Variants in PRKAG2 observed in about 807,000 individuals in gnomAD.
PRKAG2 encodes the protein 5'-AMP-activated protein kinase subunit gamma-2.
In PRKAG2, 26 loss-of-function variants were observed where a neutral mutation model predicts 69.6. The observed-to-expected ratio is 0.37, with a 90% CI of 0.27 to 0.52. The LOEUF is 0.52. Among genes scored for constraint, PRKAG2 ranks in the 20% least tolerant of loss-of-function variants. PRKAG2 has a pLI of 0.90. For synonymous variants in PRKAG2, 293 were observed against 285.0 expected (o/e 1.03, Z -0.28); for missense variants, 557 against 740.0 (o/e 0.75, Z 2.87).
At chr7:151,740,012 C>G (rs1312867455) in intron 3 of PRKAG2, among the ~76,000 whole-genome samples, 2 of 152,166 alleles carry the variant, frequency 1.3e-5, no homozygotes, top group African/African-American at 2.4e-5. Context: ...AGACTGGGAA[C>G]CCCAAAAAGA....
chr7:151,620,471 T>C (rs1171942883), intron 5 of PRKAG2, among the ~76,000 whole-genome samples: 1 of 151,680 alleles, frequency 6.6e-6, no homozygotes, highest in African/African-American at 2.4e-5. Context: ...TAGATGGCTT[T>C]GTTTTTTTGT....
intron 1 of PRKAG2, among the ~76,000 whole-genome samples, chr7:151,875,804 A>C (rs956163793): frequency 5.3e-5 from 8 of 152,120 alleles, no homozygotes; most frequent in Admixed American, 3.3e-4. Context: ...GGCAGATCCG[A>C]GTCGCCAATG....
At chr7:151,841,929 G>A (rs1178669171) in intron 1 of PRKAG2, among the ~76,000 whole-genome samples, 2 of 150,060 alleles carry the variant, frequency 1.3e-5, no homozygotes, top group African/African-American at 4.9e-5. Flanking sequence ...GGTAGTCATG[G>A]TAGTGTTGGT....
At chr7:151,651,905 T>G (rs6949829) in intron 4 of PRKAG2, among the ~76,000 whole-genome samples, 8,295 of 151,928 alleles carry the variant, frequency 0.055, 800 homozygotes, top group African/African-American at 0.19. Context: ...GGGGCTGGGG[T>G]TGGATGGGGA....
intron 1 of PRKAG2, among the ~76,000 whole-genome samples, chr7:151,795,869 AT>A (rs1563689535): frequency 8.8e-6 from 1 of 113,464 alleles, no homozygotes; most frequent in African/African-American, 3.6e-5. Context: ...ATATATATAT[AT>A]ATATATATAT....
chr7:151,852,367 C>T (rs190525112), intron 1 of PRKAG2, among the ~76,000 whole-genome samples: 15 of 152,252 alleles, frequency 9.9e-5, no homozygotes, highest in African/African-American at 2.2e-4. Flanking sequence ...TGGTAGCACA[C>T]GCATGTAATC....
At chr7:151,751,455 T>C (rs529005798) in intron 3 of PRKAG2, among the ~76,000 whole-genome samples, 3 of 152,044 alleles carry the variant, frequency 2.0e-5, no homozygotes, top group Admixed American at 2.0e-4. Flanking sequence ...CATGGTACTC[T>C]GCTATGTAGC....
intron 3 of PRKAG2, among the ~76,000 whole-genome samples, chr7:151,701,527 G>C (rs565898993): frequency 6.6e-6 from 1 of 152,116 alleles, no homozygotes; most frequent in Non-Finnish European, 1.5e-5. Context: ...AGATTGGAGC[G>C]GTGCATCTTT....
At chr7:151,748,650 A>G (rs1006227149) in intron 3 of PRKAG2, among the ~76,000 whole-genome samples, 9 of 152,172 alleles carry the variant, frequency 5.9e-5, no homozygotes, top group African/African-American at 2.2e-4. Context: ...TTCACTGAAA[A>G]TTAAAATGTA....
At position 151,769,664 on chromosome 7, in the gene PRKAG2, G is replaced by A. The variant is rs111504209; in HGVS notation, c.466+11488C>T. ...CAGGAATCCGGGCAGCTTAGGCCAT[G>A]CAGCCTGTGGTGCCTGTGTGACAGC... is the stretch of plus-strand genomic sequence containing the variant. On this transcript the variant is annotated intron_variant, in intron 3 of 15. Transcript: ENST00000287878. 4.8e-3 allele frequency among the ~76,000 whole-genome samples: 726 copies of A among 152,338 alleles called. 10 individuals are homozygous for A. Among genetic ancestry groups the A allele is most frequent in the African/African-American group, 0.016 (677 of 41,578 alleles).
chr7:151,611,627 C>A (rs6980220), intron 5 of PRKAG2, among the ~76,000 whole-genome samples: 3,999 of 152,236 alleles, frequency 0.026, 164 homozygotes, highest in African/African-American at 0.092. Flanking sequence ...CCACCCCATC[C>A]CACCAGGACA....
intron 5 of PRKAG2, among the ~76,000 whole-genome samples, chr7:151,605,683 T>C (rs1817361733): frequency 6.6e-6 from 1 of 152,118 alleles, no homozygotes; most frequent in African/African-American, 2.4e-5. Flanking sequence ...CTCACACCTG[T>C]AATCCCAGCA....
Position 151,781,453 on chromosome 7 carries a change from G to A in PRKAG2, c.187-22C>T. The A allele has an allele frequency of 6.3e-7, 1 of 1,590,794 alleles. No individual in the cohort carries two copies. Among genetic ancestry groups the A allele is most frequent in the East Asian group, 2.3e-5 (1 of 43,974 alleles). ...CCACCTGCAGAAAAACAGACGAATG[G>A]ATGCAGTCACTCCACGCTCTGGACA... On this transcript the variant is annotated intron_variant, in intron 2 of 15. Transcript: ENST00000287878. This position sits in a 1 kb window ranked among gnomAD's most constrained non-coding sequence, Gnocchi z 6.1.
intron 15 of PRKAG2, chr7:151,559,467 G>GC (rs1178650546): frequency 1.0e-6 from 1 of 984,868 alleles, no homozygotes; most frequent in Non-Finnish European, 1.2e-6. Context: ...ATGGGACGGG[G>GC]CCCCAACATG....
chr7:151,577,992 G>GT (rs368297039), intron 6 of PRKAG2, among the ~76,000 whole-genome samples: 307 of 142,048 alleles, frequency 2.2e-3, no homozygotes, highest in African/African-American at 3.1e-3. Flanking sequence ...GTATGGTTAT[G>GT]TTTTTTTTTT....
intron 4 of PRKAG2, among the ~76,000 whole-genome samples, chr7:151,635,866 ATTTT>A (rs1202730297): frequency 1.5e-4 from 21 of 139,792 alleles, no homozygotes; most frequent in Admixed American, 2.9e-4. Context: ...ATGACAATAA[ATTTT>A]TTTTTTTTTT....
At chr7:151,779,354 C>T (rs1343431266) in intron 3 of PRKAG2, among the ~76,000 whole-genome samples, 1 of 152,314 alleles carries the variant, frequency 6.6e-6, no homozygotes, top group South Asian at 2.1e-4. Context: ...TGCTGGGCTC[C>T]CAAAGGGACC....
intron 4 of PRKAG2, among the ~76,000 whole-genome samples, chr7:151,671,222 A>G (rs955092050): frequency 6.7e-6 from 1 of 149,176 alleles, no homozygotes; most frequent in African/African-American, 2.5e-5. Flanking sequence ...CTAAAGACTA[A>G]TTTTCTCCAT....
intron 15 of PRKAG2, chr7:151,559,933 GCTC>G (rs1804534614): frequency 1.0e-6 from 1 of 985,220 alleles, no homozygotes; most frequent in Non-Finnish European, 1.2e-6. Context: ...AGGAAGGCCA[GCTC>G]CTCTTGTCTA....
Sources: allele counts gnomAD v4.1 joint callset (sites outside exome capture counted in the v4.1 genomes callset), GRCh38; gene constraint gnomAD v4.1.1; non-coding constraint Gnocchi (gnomAD v3.1); transcripts MANE v1.5; gene names NCBI Gene and HGNC (gene_info 2026-07-23, HGNC 2026-07-21).